Variants in GPHN observed in about 807,000 individuals in gnomAD.
GPHN encodes gephyrin.
A neutral mutation model predicts 95.5 loss-of-function variants in GPHN; 17 were observed. The observed-to-expected ratio is 0.18, with a 90% CI of 0.12 to 0.27. GPHN has a LOEUF of 0.27. GPHN is among the 10% of genes least tolerant of loss of function. The pLI, the probability that GPHN is intolerant of heterozygous loss-of-function variation, is 1.00. For synonymous variants in GPHN, 320 were observed against 322.5 expected, an observed-to-expected ratio of 0.99 and a Z score of 0.08; for missense variants, 660 against 978.1, an observed-to-expected ratio of 0.67 and a Z score of 4.34.
At chr14:67,341,517 G>T in the GPHN span, among the ~76,000 whole-genome samples, 2 of 151,386 alleles carry the variant, frequency 1.3e-5, no homozygotes, top group East Asian at 2.0e-4. Flanking sequence ...GAGGTGGGGG[G>T]GGTCAGCCCC....
chr14:66,618,797 A>G (rs1181256557), intron 1 of GPHN, among the ~76,000 whole-genome samples: 2 of 152,140 alleles, frequency 1.3e-5, no homozygotes, highest in African/African-American at 4.8e-5. Flanking sequence ...GGCACATTTT[A>G]AATTTATGGT....
chr14:66,847,504 C>CT (rs1480399223), intron 4 of GPHN, among the ~76,000 whole-genome samples: 1 of 151,740 alleles, frequency 6.6e-6, no homozygotes, highest in African/African-American at 2.4e-5. Context: ...AACGTGTTTC[C>CT]TTTGTGTGAA....
At chr14:66,908,677 C>T (rs999621891) in intron 5 of GPHN, among the ~76,000 whole-genome samples, 3 of 151,914 alleles carry the variant, frequency 2.0e-5, no homozygotes, top group Non-Finnish European at 4.4e-5. Flanking sequence ...AATACCTCAG[C>T]TAAGAGATCA....
rs111594105 is a variant in GPHN, at chr14:66,704,585, C to T, written c.143+23400C>T. ...TCCTGGGTAAATAATGAAATTAAGGCAGAATTCAAGATGTTCTTTGAATCC... is the reference window on the plus strand; with the variant it reads ...TCCTGGGTAAATAATGAAATTAAGGTAGAATTCAAGATGTTCTTTGAATCC... On this transcript the variant is annotated intron_variant, in intron 2 of 22. Coordinates refer to ENST00000478722, the MANE Select transcript of GPHN (RefSeq NM_020806.5). Among the ~76,000 whole-genome samples the T allele has an allele frequency of 3.6e-3, 555 of 152,096 alleles. 12 individuals carry two copies. Among genetic ancestry groups the T allele is most frequent in the African/African-American group, 0.013 (529 of 41,518 alleles).
chr14:66,927,318 C>T (rs1360522644), intron 8 of GPHN, among the ~76,000 whole-genome samples: 2 of 145,736 alleles, frequency 1.4e-5, no homozygotes, highest in Non-Finnish European at 3.0e-5. Flanking sequence ...CACTGCACTT[C>T]AGCCTGCGTG....
intron 8 of GPHN, among the ~76,000 whole-genome samples, chr14:66,963,152 A>G (rs1453897022): frequency 6.6e-6 from 1 of 151,970 alleles, no homozygotes; most frequent in Non-Finnish European, 1.5e-5. Flanking sequence ...TAATTCCCAA[A>G]TTATATGTCC....
At position 66,718,612 on chromosome 14, in the gene GPHN, G is replaced by A. The variant is rs150355175; in HGVS notation, c.143+37427G>A. Among the ~76,000 whole-genome samples, 6,381 of 152,178 alleles carry A rather than the reference G, an allele frequency of 0.042. 814 individuals carry two copies. In the East Asian group the frequency reaches 0.42, roughly 10 times the overall value. On this transcript the variant is annotated intron_variant, in intron 2 of 22. Transcript: ENST00000478722. ...CCTGCTGATTGGTCCATTTTACAGA[G>A]TGCTGATTGGTGCGTTTACAATCCT...
the GPHN span, chr14:67,656,373 A>C: frequency 6.7e-7 from 1 of 1,494,722 alleles, no homozygotes; most frequent in Non-Finnish European, 9.0e-7. Flanking sequence ...GTGGCCCCCT[A>C]ATTACCCCAT....
chr14:67,509,571 G>A, the GPHN span, among the ~76,000 whole-genome samples: 2 of 152,068 alleles, frequency 1.3e-5, no homozygotes, highest in Non-Finnish European at 2.9e-5. Context: ...CACCCACCTC[G>A]GCCTCCTAAA....
chr14:67,011,648 G>A (rs947803305), intron 9 of GPHN, among the ~76,000 whole-genome samples: 13 of 150,202 alleles, frequency 8.7e-5, no homozygotes, highest in Admixed American at 2.7e-4. Flanking sequence ...ATGTTGACCC[G>A]GCATTTGAAT....
chr14:66,884,818 GTATATA>G (rs34476314), intron 5 of GPHN, among the ~76,000 whole-genome samples: 2 of 144,916 alleles, frequency 1.4e-5, no homozygotes, highest in African/African-American at 5.0e-5. Context: ...ATGTGTGTGT[GTATATA>G]TATATATATA....
At chr14:66,579,762 A>G (rs2061077305) in intron 1 of GPHN, among the ~76,000 whole-genome samples, 1 of 151,876 alleles carries the variant, frequency 6.6e-6, no homozygotes, top group Non-Finnish European at 1.5e-5. Flanking sequence ...ATAGTATAGG[A>G]CTTCAATATT....
chr14:67,603,700 G>A, the GPHN span, among the ~76,000 whole-genome samples: 3 of 152,086 alleles, frequency 2.0e-5, no homozygotes, highest in Admixed American at 2.0e-4. Context: ...TGTTTGAGAC[G>A]GAGTTTTGCT....
At position 66,718,756 on chromosome 14, in the gene GPHN, GA is replaced by G. The variant is rs1197760518; in HGVS notation, c.143+37575del. 8.5e-5 allele frequency among the ~76,000 whole-genome samples: 13 copies of G among 152,270 alleles called. No individual in the cohort carries two copies. In the East Asian group the frequency reaches 2.5e-3, roughly 29 times the overall value. On this transcript the variant is annotated intron_variant, in intron 2 of 22. Coordinates refer to ENST00000478722, the MANE Select transcript of GPHN (RefSeq NM_020806.5). ...GCACTTACAATCCTCTAGCTAGACA[GA>G]AAAGTTCTCCAAGTCCCCACTCGAC...
chr14:66,579,141 T>A (rs1194053689), intron 1 of GPHN, among the ~76,000 whole-genome samples: 1 of 151,830 alleles, frequency 6.6e-6, no homozygotes, highest in African/African-American at 2.4e-5. Flanking sequence ...AATAGCCTGT[T>A]ACAACCGTAA....
intron 1 of GPHN, among the ~76,000 whole-genome samples, chr14:66,551,481 TACTGCCTCCTATA>T (rs2059810346): frequency 6.6e-6 from 1 of 152,226 alleles, no homozygotes; most frequent in South Asian, 2.1e-4. Flanking sequence ...CTATACTTGA[TACTGCCTCCTATA>T]TCTAAGTCTT....
chr14:67,412,765 GT>G, the GPHN span, among the ~76,000 whole-genome samples: 2 of 151,968 alleles, frequency 1.3e-5, no homozygotes, highest in Non-Finnish European at 2.9e-5. Context: ...GTTTTTTGGG[GT>G]TTTTTGTTTG....
the GPHN span, among the ~76,000 whole-genome samples, chr14:67,308,714 A>G: frequency 1.3e-5 from 2 of 151,908 alleles, no homozygotes; most frequent in Non-Finnish European, 2.9e-5. Context: ...TACAAGTACC[A>G]TCTACTGTGC....
the GPHN span, among the ~76,000 whole-genome samples, chr14:67,278,499 C>G: frequency 6.6e-6 from 1 of 152,118 alleles, no homozygotes; most frequent in Non-Finnish European, 1.5e-5. Context: ...GATGAATTAT[C>G]CCCCAGAATA....
Sources: allele counts gnomAD v4.1 joint callset (sites outside exome capture counted in the v4.1 genomes callset), GRCh38; gene constraint gnomAD v4.1.1; transcripts MANE v1.5; gene names NCBI Gene and HGNC (gene_info 2026-07-23, HGNC 2026-07-21).